Variants in NAALADL2 observed in about 807,000 individuals in gnomAD.
NAALADL2 encodes inactive N-acetylated-alpha-linked acidic dipeptidase-like protein 2.
In NAALADL2, 76 loss-of-function variants were observed where a neutral mutation model predicts 87.2. The ratio of observed to expected loss-of-function variants is 0.87; its 90% confidence interval spans 0.72 to 1.05. The LOEUF is 1.05. Ranked by LOEUF, NAALADL2 falls within the 50% of genes least tolerant of loss-of-function variation. The pLI is 0.00. For missense variants in NAALADL2, 1,089 were observed against 945.8 expected, an observed-to-expected ratio of 1.15 and a Z score of -1.99; for synonymous variants, 354 against 331.0, an observed-to-expected ratio of 1.07 and a Z score of -0.75.
intron 2 of NAALADL2, among the ~76,000 whole-genome samples, chr3:174,660,379 G>A (rs771724641): frequency 5.9e-5 from 9 of 152,008 alleles, no homozygotes; most frequent in African/African-American, 1.5e-4. Context: ...TTCAGATACC[G>A]TATGATTGGT....
intron 1 of NAALADL2, among the ~76,000 whole-genome samples, chr3:174,490,511 G>A (rs772037862): frequency 3.9e-5 from 6 of 152,070 alleles, no homozygotes; most frequent in Non-Finnish European, 7.4e-5. Context: ...AAAAACCACT[G>A]AATCATAGAC....
At chr3:175,491,300 A>C (rs1487117108) in intron 9 of NAALADL2, among the ~76,000 whole-genome samples, 1 of 151,308 alleles carries the variant, frequency 6.6e-6, no homozygotes, top group Non-Finnish European at 1.5e-5. Context: ...TTGTTTATTG[A>C]CTTGAATTTT....
chr3:175,088,673 C>A (rs1719509907), intron 1 of NAALADL2, among the ~76,000 whole-genome samples: 1 of 152,162 alleles, frequency 6.6e-6, no homozygotes, highest in Admixed American at 6.5e-5. Context: ...CTTTAGTAGC[C>A]TTGTGTAGAT....
At chr3:175,207,935 TGAG>T (rs1428636604) in intron 2 of NAALADL2, among the ~76,000 whole-genome samples, 10 of 152,084 alleles carry the variant, frequency 6.6e-5, no homozygotes, top group East Asian at 5.8e-4. Flanking sequence ...ATCAATGACT[TGAG>T]GAGAAGATTT....
chr3:174,835,921 A>G (rs984912329), intron 3 of NAALADL2, among the ~76,000 whole-genome samples: 2 of 152,242 alleles, frequency 1.3e-5, no homozygotes, highest in South Asian at 2.1e-4. Context: ...AAATGATGCT[A>G]TCATTACAGA....
intron 1 of NAALADL2, among the ~76,000 whole-genome samples, chr3:174,910,575 T>A (rs2108298438): frequency 6.6e-6 from 1 of 151,878 alleles, no homozygotes; most frequent in Non-Finnish European, 1.5e-5. Flanking sequence ...AAGGTAGGAG[T>A]TAATTTTACA....
Position 174,629,816 on chromosome 3 carries a change from A to G in NAALADL2, c.-115+79179A>G, listed in dbSNP as rs550495900. On this transcript the variant is annotated intron_variant, in intron 2 of 3. Coordinates refer to the NAALADL2 transcript ENST00000434257. ...CAGAGACTATGTGAGTCCTGTGCACACAAAGCCAATATTCAGCTAAGTATG... is the reference window on the plus strand; with the variant it reads ...CAGAGACTATGTGAGTCCTGTGCACGCAAAGCCAATATTCAGCTAAGTATG... Among the ~76,000 whole-genome samples the G allele has an allele frequency of 3.7e-3, 566 of 152,290 alleles. 2 individuals are homozygous for G. Among genetic ancestry groups the G allele is most frequent in the Middle Eastern group, 6.8e-3 (2 of 294 alleles).
intron 9 of NAALADL2, among the ~76,000 whole-genome samples, chr3:175,507,666 T>C (rs1262767499): frequency 1.3e-5 from 2 of 152,114 alleles, no homozygotes; most frequent in African/African-American, 4.8e-5. Context: ...TCAGGTGATC[T>C]GCCCACCTCG....
chr3:175,366,703 GTTGT>G (rs1336355316), intron 5 of NAALADL2, among the ~76,000 whole-genome samples: 38 of 150,838 alleles, frequency 2.5e-4, no homozygotes, highest in African/African-American at 8.3e-4. Context: ...TTTTGATGGG[GTTGT>G]TTGTTTTTTT....
At chr3:174,689,624 G>C (rs1250174174) in intron 2 of NAALADL2, among the ~76,000 whole-genome samples, 4 of 151,944 alleles carry the variant, frequency 2.6e-5, no homozygotes, top group Middle Eastern at 3.4e-3. Context: ...GTTTGCGAAG[G>C]GCTCTTCTAA....
At chr3:175,385,778 G>T (rs1371915265) in intron 5 of NAALADL2, among the ~76,000 whole-genome samples, 3 of 151,768 alleles carry the variant, frequency 2.0e-5, no homozygotes, top group African/African-American at 4.8e-5. Flanking sequence ...AACAAATAAA[G>T]ATTTAAAAAA....
intron 9 of NAALADL2, among the ~76,000 whole-genome samples, chr3:175,528,774 T>TA (rs1308504575): frequency 1.3e-5 from 2 of 152,234 alleles, no homozygotes; most frequent in African/African-American, 2.4e-5. Flanking sequence ...CAATAAATCT[T>TA]ATGTCACATG....
chr3:175,301,764 G>A (rs1031558694), intron 4 of NAALADL2, among the ~76,000 whole-genome samples: 12 of 152,148 alleles, frequency 7.9e-5, no homozygotes, highest in African/African-American at 2.9e-4. Context: ...TATCTCTAAA[G>A]TAACACCAGT....
chr3:174,798,611 A>AT (rs138572073), intron 3 of NAALADL2, among the ~76,000 whole-genome samples: 3,884 of 151,808 alleles, frequency 0.026, 180 homozygotes, highest in African/African-American at 0.088. Context: ...TCTTTCAATG[A>AT]TTTTTTTTAG....
intron 1 of NAALADL2, among the ~76,000 whole-genome samples, chr3:174,964,420 A>C (rs974901188): frequency 6.6e-6 from 1 of 152,116 alleles, no homozygotes; most frequent in African/African-American, 2.4e-5. Flanking sequence ...AAAGATTTAG[A>C]ATATAGAATA....
intron 11 of NAALADL2, among the ~76,000 whole-genome samples, chr3:175,714,148 G>A (rs1219631581): frequency 6.6e-6 from 1 of 152,080 alleles, no homozygotes; most frequent in African/African-American, 2.4e-5. Context: ...CATTTGAGTT[G>A]GTTCCAAGTC....
intron 2 of NAALADL2, among the ~76,000 whole-genome samples, chr3:174,610,248 G>A (rs1436366675): frequency 2.6e-5 from 4 of 151,852 alleles, no homozygotes; most frequent in Non-Finnish European, 4.4e-5. Context: ...TCAGGACATA[G>A]GCATGGGCAA....
At chr3:175,714,120 C>G in intron 11 of NAALADL2, among the ~76,000 whole-genome samples, 1 of 152,040 alleles carries the variant, frequency 6.6e-6, no homozygotes. Flanking sequence ...TTTCTTTATC[C>G]AGTGTATTAT....
rs1413894997 is a variant in NAALADL2, at chr3:175,352,243, T to C, written c.1090+27918T>C. On this transcript the variant is annotated intron_variant, in intron 5 of 13. Coordinates refer to ENST00000454872, the MANE Select transcript of NAALADL2 (RefSeq NM_207015.3). Reference sequence around the variant, plus strand: ...TTCCTCTTTGTGGTTTAAACTTTCATTGGCAAAGGAGATATCACCTGGGCT... The same window carrying C: ...TTCCTCTTTGTGGTTTAAACTTTCACTGGCAAAGGAGATATCACCTGGGCT... Among the ~76,000 whole-genome samples, 4 of 151,934 alleles carry C rather than the reference T, an allele frequency of 2.6e-5. No individual in the cohort carries two copies. In the East Asian group the frequency reaches 5.8e-4, roughly 22 times the overall value.
Sources: allele counts gnomAD v4.1 joint callset (sites outside exome capture counted in the v4.1 genomes callset), GRCh38; gene constraint gnomAD v4.1.1; transcripts MANE v1.5; gene names NCBI Gene and HGNC (gene_info 2026-07-23, HGNC 2026-07-21).